Variants in PCDH15 observed in about 807,000 individuals in gnomAD.
PCDH15 encodes protocadherin-15.
PCDH15 carries 129 observed loss-of-function variants against 178.5 expected under a neutral mutation model. That is an observed-to-expected ratio of 0.72 (90% CI 0.63 to 0.84). The LOEUF (loss-of-function observed/expected upper bound fraction) is 0.84, where lower values mean the gene tolerates loss of function less well. Ranked by LOEUF, PCDH15 falls within the 40% of genes least tolerant of loss-of-function variation. The pLI, the probability that PCDH15 is intolerant of heterozygous loss-of-function variation, is 0.00. For synonymous variants in PCDH15, 800 were observed against 732.0 expected, an observed-to-expected ratio of 1.09 and a Z score of -1.50; for missense variants, 2,230 against 2,099.9, an observed-to-expected ratio of 1.06 and a Z score of -1.21.
At chr10:55,244,975 C>A (rs773020571) in intron 1 of PCDH15, among the ~76,000 whole-genome samples, 17 of 151,942 alleles carry the variant, frequency 1.1e-4, no homozygotes, top group Non-Finnish European at 1.9e-4. Flanking sequence ...AATATTCTTT[C>A]TGTCTTCTAT....
intron 2 of PCDH15, among the ~76,000 whole-genome samples, chr10:55,023,064 C>G (rs1228745481): frequency 6.6e-6 from 1 of 152,144 alleles, no homozygotes; most frequent in Non-Finnish European, 1.5e-5. Flanking sequence ...GCCTCAGCCT[C>G]CCGAGTAGCT....
intron 2 of PCDH15, among the ~76,000 whole-genome samples, chr10:55,543,984 A>G (rs1237560439): frequency 6.6e-6 from 1 of 151,114 alleles, no homozygotes; most frequent in Non-Finnish European, 1.5e-5. Flanking sequence ...AGATAAAAAG[A>G]AAACTGACAC....
At chr10:54,142,398 A>G (rs1195182106) in intron 14 of PCDH15, among the ~76,000 whole-genome samples, 1 of 152,162 alleles carries the variant, frequency 6.6e-6, no homozygotes, top group Non-Finnish European at 1.5e-5. Flanking sequence ...GACAATCAAA[A>G]TGAACTGCTT....
chr10:53,984,148 C>CTTTTTTTTTTTTTTTTTTTTTTTTTTTT (rs66540462), intron 21 of PCDH15, among the ~76,000 whole-genome samples: 9 of 63,552 alleles, frequency 1.4e-4, no homozygotes, highest in South Asian at 5.2e-4. Flanking sequence ...TTTTTCTTTT[C>CTTTTTTTTTTTTTTTTTTTTTTTTTTTT]TTTTTTTTTT....
intron 1 of PCDH15, among the ~76,000 whole-genome samples, chr10:55,242,207 T>C (rs1841562081): frequency 6.6e-6 from 1 of 152,156 alleles, no homozygotes; most frequent in Non-Finnish European, 1.5e-5. Context: ...CAGTTCAGTG[T>C]GTCAGTTCCT....
intron 2 of PCDH15, among the ~76,000 whole-genome samples, chr10:54,959,677 A>G (rs1838590536): frequency 6.6e-6 from 1 of 152,136 alleles, no homozygotes; most frequent in Non-Finnish European, 1.5e-5. Context: ...AAGTTTAATC[A>G]GCATCTAACC....
At chr10:54,171,932 T>C (rs10825257) in intron 13 of PCDH15, among the ~76,000 whole-genome samples, 66,095 of 145,460 alleles carry the variant, frequency 0.45, 15,590 homozygotes, top group African/African-American at 0.55. Flanking sequence ...CCCCTAATCC[T>C]GCTTGAAGCA....
At chr10:53,947,958 T>C (rs1337259247) in intron 23 of PCDH15, among the ~76,000 whole-genome samples, 1 of 152,194 alleles carries the variant, frequency 6.6e-6, no homozygotes, top group Non-Finnish European at 1.5e-5. Flanking sequence ...AAATAGTGTG[T>C]TCTAATCTCT....
In PCDH15 at chr10:55,499,238, T is replaced by C. The variant is rs371773452; in HGVS notation, c.-156+128387A>G. Among the ~76,000 whole-genome samples, 6 of 152,010 alleles carry C rather than the reference T, an allele frequency of 3.9e-5. No individual in the cohort carries two copies. The East Asian group carries it at 7.8e-4, about 20-fold the overall frequency. On this transcript the variant is annotated intron_variant, in intron 2 of 5. Transcript: ENST00000613346. The stretch of plus-strand genomic sequence containing the variant: ...ATAATAACTACATGTTTTAAGTTGC[T>C]AAATTTGTGGTAATTTGACAGTAAC...
chr10:54,561,222 G>T (rs192224293), intron 2 of PCDH15, among the ~76,000 whole-genome samples: 1 of 152,058 alleles, frequency 6.6e-6, no homozygotes, highest in East Asian at 1.9e-4. Context: ...TGATTTTAAG[G>T]TCATCATTTA....
intron 1 of PCDH15, among the ~76,000 whole-genome samples, chr10:54,765,262 A>T (rs1267782631): frequency 3.3e-5 from 5 of 152,186 alleles, no homozygotes; most frequent in Admixed American, 6.6e-5. Flanking sequence ...GTTGAGCTAA[A>T]TACCTTTTTA....
intron 1 of PCDH15, among the ~76,000 whole-genome samples, chr10:55,257,144 A>G (rs567065874): frequency 6.6e-6 from 1 of 152,312 alleles, no homozygotes; most frequent in Non-Finnish European, 1.5e-5. Flanking sequence ...GCAAACTCCA[A>G]CAGACTTGCA....
intron 2 of PCDH15, among the ~76,000 whole-genome samples, chr10:54,931,145 G>C (rs534248738): frequency 1.3e-5 from 2 of 152,102 alleles, no homozygotes; most frequent in Non-Finnish European, 2.9e-5. Context: ...ACATTTCTGA[G>C]CATTTGAAAA....
chr10:54,717,614 G>A (rs1216012422), intron 1 of PCDH15, among the ~76,000 whole-genome samples: 1 of 133,568 alleles, frequency 7.5e-6, no homozygotes, highest in African/African-American at 2.9e-5. Flanking sequence ...GGAAACAACA[G>A]GTGCTGGAGA....
At chr10:53,828,621 T>C in intron 30 of PCDH15, 48 bp from the exon 31 acceptor site, 1 of 1,419,330 alleles carries the variant, frequency 7.0e-7, no homozygotes, top group South Asian at 1.2e-5. Context: ...ACATTAGAAC[T>C]ATTGCATTAA....
intron 2 of PCDH15, among the ~76,000 whole-genome samples, chr10:55,379,043 A>G (rs1452076789): frequency 6.6e-6 from 1 of 151,986 alleles, no homozygotes; most frequent in Non-Finnish European, 1.5e-5. Context: ...TTGGGAAGAG[A>G]GTCACTTGAA....
chr10:55,036,467 A>C (rs1840736326), intron 2 of PCDH15, among the ~76,000 whole-genome samples: 1 of 152,022 alleles, frequency 6.6e-6, no homozygotes, highest in Admixed American at 6.6e-5. Flanking sequence ...CTGGTTCCCT[A>C]CTCTGTAGTA....
At chr10:54,718,799 C>T (rs565610267) in intron 1 of PCDH15, among the ~76,000 whole-genome samples, 30 of 147,422 alleles carry the variant, frequency 2.0e-4, no homozygotes, top group East Asian at 1.2e-3. Context: ...TCAAGCAATT[C>T]GATTCTCCTG....
chr10:55,430,663 A>T (rs918821861), intron 2 of PCDH15, among the ~76,000 whole-genome samples: 1 of 152,188 alleles, frequency 6.6e-6, no homozygotes, highest in Non-Finnish European at 1.5e-5. Flanking sequence ...TGAAGAAAAG[A>T]TTACTAAATA....
Sources: gnomAD v4.1 joint callset for allele counts (sites outside exome capture counted in the v4.1 genomes callset) on GRCh38, gnomAD v4.1.1 for gene constraint, MANE v1.5 for transcripts, NCBI Gene and HGNC (gene_info 2026-07-23, HGNC 2026-07-21) for gene names.